LHFPL4: variants seen among roughly 807,000 people sequenced by gnomAD.
The protein encoded by LHFPL4 is LHFPL tetraspan subfamily member 4.
In LHFPL4, 6 loss-of-function variants were observed where a neutral mutation model predicts 20.0. The ratio of observed to expected loss-of-function variants is 0.30; its 90% CI spans 0.16 to 0.59. The LOEUF (loss-of-function observed/expected upper bound fraction) is 0.59, where lower values mean the gene tolerates loss of function less well. Ranked by LOEUF, LHFPL4 falls within the 20% of genes least tolerant of loss-of-function variation. The pLI, the probability that LHFPL4 is intolerant of heterozygous loss-of-function variation, is 0.88. For synonymous variants in LHFPL4, 129 were observed against 143.8 expected (o/e 0.90, Z 0.74); for missense variants, 215 against 331.2 (o/e 0.65, Z 2.72).
chr3:9,543,183 C>T lies in LHFPL4; in HGVS notation c.406+9091G>A, dbSNP rs181857323. On this transcript the variant is annotated intron_variant, in intron 2 of 3. Transcript: ENST00000287585. ...GGAGCACTCATTCTCAGGTCTCCTGCCGGCACCCACATGAATGAACTTAAA... is the reference window on the plus strand; with the variant it reads ...GGAGCACTCATTCTCAGGTCTCCTGTCGGCACCCACATGAATGAACTTAAA... Among the ~76,000 whole-genome samples the T allele has an allele frequency of 1.2e-3, 188 of 152,164 alleles. 1 individual carries two copies. Among genetic ancestry groups the T allele is most frequent in the African/African-American group, 4.2e-3 (175 of 41,524 alleles).
intron 2 of LHFPL4, among the ~76,000 whole-genome samples, chr3:9,549,864 C>T (rs1189225494): frequency 6.6e-6 from 1 of 152,142 alleles, no homozygotes; most frequent in Non-Finnish European, 1.5e-5. Flanking sequence ...AGGATCCCCA[C>T]AGGGCTGAAA....
At chr3:9,507,595 G>A (rs1443858508) in intron 2 of LHFPL4, among the ~76,000 whole-genome samples, 1 of 152,232 alleles carries the variant, frequency 6.6e-6, no homozygotes, top group Non-Finnish European at 1.5e-5. Context: ...TTTCAGGTGA[G>A]GAGGACAAAG....
chr3:9,549,897 T>C (rs925736465), intron 2 of LHFPL4, among the ~76,000 whole-genome samples: 1 of 152,120 alleles, frequency 6.6e-6, no homozygotes, highest in African/African-American at 2.4e-5. Flanking sequence ...TTTTTACTTA[T>C]TTTATGTTAT....
At chr3:9,545,735 G>GATAAA (rs141252772) in intron 2 of LHFPL4, among the ~76,000 whole-genome samples, 1,850 of 150,440 alleles carry the variant, frequency 0.012, 28 homozygotes, top group African/African-American at 0.038. Context: ...AAATAAATAA[G>GATAAA]ATAAAATAAA....
intron 2 of LHFPL4, among the ~76,000 whole-genome samples, chr3:9,536,104 C>G (rs1481048485): frequency 6.6e-6 from 1 of 152,114 alleles, no homozygotes; most frequent in East Asian, 1.9e-4. Context: ...GCCAGGGGGG[C>G]CACAGCTTTC....
In LHFPL4 at chr3:9,506,483, T is replaced by C. The variant is rs1453390938; in HGVS notation, c.407-280A>G. Among the ~76,000 whole-genome samples the C allele has an allele frequency of 1.3e-5, 2 of 152,154 alleles. No individual in the cohort carries two copies. Among genetic ancestry groups the C allele is most frequent in the Non-Finnish European group, 2.9e-5 (2 of 68,024 alleles). ...TCCTCCAGGAAGCATTCTGGGAATA[T>C]GAGAACATAGCCACCCACAGCCACC... On this transcript the variant is annotated intron_variant, in intron 2 of 3. Transcript: ENST00000287585. The surrounding 1 kb of genome is among the most constrained non-coding windows in gnomAD (Gnocchi z 4.5).
At chr3:9,517,794 T>TG (rs2046312955) in intron 2 of LHFPL4, among the ~76,000 whole-genome samples, 1 of 122,250 alleles carries the variant, frequency 8.2e-6, no homozygotes, top group African/African-American at 2.9e-5. Flanking sequence ...GGAGGTTGGG[T>TG]TTTTTTGTTT....
At chr3:9,502,720 TCAGAGGGG>T (rs1223308150) in intron 3 of LHFPL4, among the ~76,000 whole-genome samples, 32 of 141,798 alleles carry the variant, frequency 2.3e-4, no homozygotes, top group African/African-American at 7.3e-4. Context: ...AAAAAAAAGG[TCAGAGGGG>T]CAGAGGGGCA....
At chr3:9,552,222 G>A (rs1160128078) in intron 2 of LHFPL4, 52 bp downstream of exon 2, 6 of 1,539,066 alleles carry the variant, frequency 3.9e-6, no homozygotes, top group East Asian at 2.3e-5. Context: ...TGGCAGGAAG[G>A]AGCCCCGTCC....
chr3:9,553,286 T>C (rs1380736626), intron 1 of LHFPL4, among the ~76,000 whole-genome samples: 1 of 97,440 alleles, frequency 1.0e-5, no homozygotes. Context: ...GAAGGTAATA[T>C]GGGGGCTGGG....
chr3:9,523,407 A>T (rs2046353024), intron 2 of LHFPL4, among the ~76,000 whole-genome samples: 1 of 131,916 alleles, frequency 7.6e-6, no homozygotes, highest in South Asian at 2.4e-4. Flanking sequence ...AAAAAAAAAG[A>T]AAAAGAAAAA....
intron 2 of LHFPL4, among the ~76,000 whole-genome samples, chr3:9,530,399 C>G (rs189788657): frequency 1.8e-3 from 268 of 152,300 alleles, no homozygotes; most frequent in African/African-American, 6.1e-3. Flanking sequence ...TTTTATTAAA[C>G]CACATGAACC....
At chr3:9,546,810 T>C (rs1213802073) in intron 2 of LHFPL4, among the ~76,000 whole-genome samples, 3 of 152,208 alleles carry the variant, frequency 2.0e-5, no homozygotes, top group Admixed American at 6.5e-5. Flanking sequence ...ATGTATTGAA[T>C]GCTTCTCATA....
intron 2 of LHFPL4, among the ~76,000 whole-genome samples, chr3:9,526,653 G>A (rs1350284161): frequency 6.6e-6 from 1 of 152,148 alleles, no homozygotes; most frequent in East Asian, 1.9e-4. Flanking sequence ...CAGGGTACCT[G>A]CAGATATAAT....
chr3:9,546,089 G>A (rs144736797), intron 2 of LHFPL4, among the ~76,000 whole-genome samples: 282 of 151,702 alleles, frequency 1.9e-3, no homozygotes, highest in African/African-American at 6.5e-3. Context: ...CGAGGCCAGC[G>A]GATCACTTGA....
rs2125654006 is a variant in LHFPL4 at position 9,502,019 on chromosome 3, T to C, written c.*192A>G. The C allele has an allele frequency of 3.3e-6, 2 of 607,590 alleles. No individual in the cohort carries two copies. The highest frequency in any genetic ancestry group is 2.8e-5 in the East Asian group (1 of 36,104). The allele number at this position is 607,590 out of a possible 1,614,324, so 37.6% of individuals were successfully genotyped here. On this transcript the variant is annotated 3_prime_UTR_variant, in exon 4 of 4. Coordinates refer to ENST00000287585, the MANE Select transcript of LHFPL4 (RefSeq NM_198560.3). ...GAGCAAGAATTAGACCCTCCCAAGG[T>C]TTGGAGGGCCTCTCCTCTCCCCCAG...
intron 3 of LHFPL4, among the ~76,000 whole-genome samples, chr3:9,504,083 T>C (rs2046198652): frequency 6.6e-6 from 1 of 151,622 alleles, no homozygotes; most frequent in African/African-American, 2.4e-5. Flanking sequence ...TCAATAACTA[T>C]AACTCAGCCG....
chr3:9,533,922 G>T (rs1231880248), intron 2 of LHFPL4, among the ~76,000 whole-genome samples: 1 of 151,562 alleles, frequency 6.6e-6, no homozygotes, highest in Non-Finnish European at 1.5e-5. Flanking sequence ...AAAAAAAAAA[G>T]GTTGCATAGG....
At chr3:9,539,782 C>T (rs912794428) in intron 2 of LHFPL4, among the ~76,000 whole-genome samples, 6 of 152,060 alleles carry the variant, frequency 3.9e-5, no homozygotes, top group African/African-American at 1.4e-4. Flanking sequence ...AATGCCATTA[C>T]ATTGATTTTC....
Sources: allele counts gnomAD v4.1 joint callset (sites outside exome capture counted in the v4.1 genomes callset), GRCh38; gene constraint gnomAD v4.1.1; non-coding constraint Gnocchi (gnomAD v3.1); transcripts MANE v1.5; gene names NCBI Gene and HGNC (gene_info 2026-07-23, HGNC 2026-07-21).